Variants in SNTG1 observed in about 807,000 individuals in gnomAD.
The protein encoded by SNTG1 is gamma-1-syntrophin.
In SNTG1, 39 loss-of-function variants were observed where a neutral mutation model predicts 74.7. That is an observed-to-expected ratio of 0.52 (90% confidence interval 0.40 to 0.68). SNTG1 has a LOEUF of 0.68. SNTG1 is among the 30% of genes least tolerant of loss of function. The pLI, the probability that SNTG1 is intolerant of heterozygous loss-of-function variation, is 0.00. For synonymous variants in SNTG1, 254 were observed against 217.1 expected, an observed-to-expected ratio of 1.17 and a Z score of -1.49; for missense variants, 685 against 609.5, an observed-to-expected ratio of 1.12 and a Z score of -1.30.
intron 17 of SNTG1, among the ~76,000 whole-genome samples, chr8:50,719,433 G>A (rs919421974): frequency 1.3e-5 from 2 of 152,140 alleles, no homozygotes; most frequent in South Asian, 4.1e-4. Flanking sequence ...AAATCTGCCA[G>A]CACCTTGATC....
intron 2 of SNTG1, among the ~76,000 whole-genome samples, chr8:50,287,967 A>G (rs2088879252): frequency 6.6e-6 from 1 of 152,168 alleles, no homozygotes; most frequent in African/African-American, 2.4e-5. Flanking sequence ...CTATGAAGCA[A>G]TTCTGACTTT....
intron 17 of SNTG1, among the ~76,000 whole-genome samples, chr8:50,742,905 C>G (rs1007696306): frequency 6.6e-6 from 1 of 151,606 alleles, no homozygotes; most frequent in Admixed American, 6.6e-5. Context: ...AATTGCATTT[C>G]AGAAATTTGA....
At chr8:50,619,121 A>G (rs1281766054) in intron 13 of SNTG1, among the ~76,000 whole-genome samples, 2 of 152,114 alleles carry the variant, frequency 1.3e-5, no homozygotes, top group Admixed American at 6.5e-5. Context: ...TTGATTTTCT[A>G]TGATAGAGCA....
chr8:50,169,834 G>T (rs939522763), intron 1 of SNTG1, among the ~76,000 whole-genome samples: 22 of 152,116 alleles, frequency 1.4e-4, no homozygotes, highest in African/African-American at 5.3e-4. Flanking sequence ...CCAGCTACTT[G>T]GGTGGTTAAG....
chr8:50,352,750 G>A (rs2091702414), intron 2 of SNTG1, among the ~76,000 whole-genome samples: 2 of 152,108 alleles, frequency 1.3e-5, no homozygotes, highest in African/African-American at 2.4e-5. Context: ...ATTTTCAGAA[G>A]CAGTTGAAAT....
At chr8:50,389,926 G>C (rs1019291054) in intron 2 of SNTG1, among the ~76,000 whole-genome samples, 6 of 152,078 alleles carry the variant, frequency 3.9e-5, no homozygotes, top group South Asian at 2.1e-4. Flanking sequence ...CTTGTTGATG[G>C]GGTTGTTTGT....
chr8:50,414,384 C>T (rs929972628), intron 4 of SNTG1, among the ~76,000 whole-genome samples: 7 of 152,034 alleles, frequency 4.6e-5, no homozygotes, highest in Admixed American at 2.0e-4. Flanking sequence ...TCAAGATTGG[C>T]AAGTTTCTTT....
At chr8:50,303,329 T>C (rs891874303) in intron 2 of SNTG1, among the ~76,000 whole-genome samples, 3 of 152,116 alleles carry the variant, frequency 2.0e-5, no homozygotes, top group African/African-American at 7.2e-5. Context: ...GATTTTAGAA[T>C]GTCCTCAGTA....
chr8:50,760,267 T>C (rs2095594450), intron 18 of SNTG1, among the ~76,000 whole-genome samples: 1 of 152,134 alleles, frequency 6.6e-6, no homozygotes, highest in Admixed American at 6.6e-5. Context: ...GTTTTCTAAA[T>C]ATACAATCAT....
chr8:49,912,340 C>G (rs1426952281), intron 1 of SNTG1, 109 bp downstream of exon 1: 1 of 152,156 alleles, frequency 6.6e-6, no homozygotes, highest in Non-Finnish European at 1.5e-5. Context: ...AACGAGGAGA[C>G]AAGCAATTTT....
intron 1 of SNTG1, among the ~76,000 whole-genome samples, chr8:49,981,539 A>C (rs542932117): frequency 2.0e-5 from 3 of 152,302 alleles, no homozygotes; most frequent in Non-Finnish European, 4.4e-5. Context: ...ATGGGCCAAC[A>C]TAATTTGTTT....
chr8:50,270,425 ACT>A (rs1422224476), intron 2 of SNTG1, among the ~76,000 whole-genome samples: 3 of 152,102 alleles, frequency 2.0e-5, no homozygotes, highest in Non-Finnish European at 4.4e-5. Flanking sequence ...TTAACCAATA[ACT>A]CTCTTATCAT....
intron 8 of SNTG1, among the ~76,000 whole-genome samples, chr8:50,454,970 T>A (rs915543434): frequency 7.9e-5 from 12 of 152,138 alleles, no homozygotes; most frequent in African/African-American, 2.9e-4. Flanking sequence ...ACCTTATTGG[T>A]ATGTAGACAT....
chr8:49,991,001 G>T (rs187183288), intron 1 of SNTG1, among the ~76,000 whole-genome samples: 1 of 152,044 alleles, frequency 6.6e-6, no homozygotes, highest in Admixed American at 6.5e-5. Flanking sequence ...AGAATCAAAG[G>T]GCAGCCTAGA....
chr8:50,219,233 C>A (rs779290649), intron 2 of SNTG1, among the ~76,000 whole-genome samples: 3 of 152,108 alleles, frequency 2.0e-5, no homozygotes, highest in African/African-American at 4.8e-5. Context: ...AAGACCTAAG[C>A]CCAGCATTAA....
chr8:50,751,886 G>A, intron 17 of SNTG1, 115 bp from the exon 18 acceptor site: 1 of 479,704 alleles, frequency 2.1e-6, no homozygotes, highest in South Asian at 4.9e-5. Context: ...TAAAATATTG[G>A]GACATAGTAC....
intron 2 of SNTG1, among the ~76,000 whole-genome samples, chr8:50,267,777 T>C (rs548290655): frequency 1.3e-4 from 20 of 152,268 alleles, no homozygotes; most frequent in African/African-American, 4.3e-4. Flanking sequence ...AAACATCTCA[T>C]CAATTTAAGA....
intron 2 of SNTG1, among the ~76,000 whole-genome samples, chr8:50,276,918 A>G (rs1429139632): frequency 6.6e-6 from 1 of 151,906 alleles, no homozygotes; most frequent in East Asian, 1.9e-4. Context: ...GCTCACTGCA[A>G]GCTCCGCCTC....
At chr8:50,699,352 T>A (rs2095415847) in intron 15 of SNTG1, among the ~76,000 whole-genome samples, 1 of 152,170 alleles carries the variant, frequency 6.6e-6, no homozygotes, top group African/African-American at 2.4e-5. Flanking sequence ...AGGCAGTTTT[T>A]TCATGACTAA....
Sources: allele counts gnomAD v4.1 joint callset (sites outside exome capture counted in the v4.1 genomes callset), GRCh38; gene constraint gnomAD v4.1.1; transcripts MANE v1.5; gene names NCBI Gene and HGNC (gene_info 2026-07-23, HGNC 2026-07-21).